The following FAT1 variants were observed in gnomAD, a reference collection of about 807,000 sequenced individuals.
FAT1 encodes FAT atypical cadherin 1, also known as protocadherin Fat 1.
FAT1 carries 171 observed loss-of-function variants against 329.8 expected under a neutral mutation model. That is an observed-to-expected ratio of 0.52 (90% confidence interval 0.46 to 0.59). The LOEUF (loss-of-function observed/expected upper bound fraction) is 0.59. Among genes scored for constraint, FAT1 ranks in the 20% least tolerant of loss-of-function variants. FAT1 has a pLI of 0.00. For missense variants in FAT1, 5,672 were observed against 5,774.4 expected, an observed-to-expected ratio of 0.98 and a Z score of 0.57; for synonymous variants, 2,233 against 2,228.6, an observed-to-expected ratio of 1.00 and a Z score of -0.06.
At chr4:186,602,218 GGA>G (rs1270044773) in intron 20 of FAT1, among the ~76,000 whole-genome samples, 1 of 152,126 alleles carries the variant, frequency 6.6e-6, no homozygotes, top group Non-Finnish European at 1.5e-5. Context: ...TCAAAAGAAT[GGA>G]GAGTGAAACC....
At chr4:186,699,691 TTTGAAAAAAAAAAAAAAA>T (rs1744207752) in intron 2 of FAT1, among the ~76,000 whole-genome samples, 1 of 93,466 alleles carries the variant, frequency 1.1e-5, no homozygotes, top group African/African-American at 6.3e-5. Context: ...TGGTCTGCTG[TTTGAAAAAAAAAAAAAAA>T]TGCCAGAAAG....
At chr4:186,664,325 A>C (rs1742330957) in intron 2 of FAT1, among the ~76,000 whole-genome samples, 1 of 152,200 alleles carries the variant, frequency 6.6e-6, no homozygotes, top group Non-Finnish European at 1.5e-5. Context: ...CCAGCATGCT[A>C]TAAAAATATA....
chr4:186,642,702 TTAG>T (rs1169152181), intron 3 of FAT1, among the ~76,000 whole-genome samples: 2 of 152,174 alleles, frequency 1.3e-5, no homozygotes, highest in Non-Finnish European at 2.9e-5. Context: ...CTGCGGGTAT[TTAG>T]AAGCACAGAC....
chr4:186,620,652 CT>C lies in FAT1; in HGVS notation c.5933del (p.Lys1978SerfsTer10). On this transcript the variant is annotated frameshift_variant, in exon 10 of 27. Coordinates refer to ENST00000441802, the MANE Select transcript of FAT1 (RefSeq NM_005245.4). LOFTEE classifies it high-confidence loss of function. Reference sequence around the variant, plus strand: ...CCGCAGAGTAGACATCCTGGGTAAACTTTAGGTGACTTTCTTTGCTTTCTTT... The same window carrying C: ...CCGCAGAGTAGACATCCTGGGTAAACTTAGGTGACTTTCTTTGCTTTCTTT... ...NVKESKESHLKFTQDVYSAVV... is the reference protein window; with the variant it reads ...NVKESKESHLXFTQDVYSAVV... 1 of 1,613,982 alleles carries C rather than the reference CT, an allele frequency of 6.2e-7. No homozygotes were observed. Among genetic ancestry groups the C allele is most frequent in the Non-Finnish European group, 8.5e-7 (1 of 1,179,886 alleles).
chr4:186,634,774 T>C (rs1476514809), intron 6 of FAT1, among the ~76,000 whole-genome samples: 1 of 152,228 alleles, frequency 6.6e-6, no homozygotes, highest in Non-Finnish European at 1.5e-5. Flanking sequence ...ATCTGAAAGA[T>C]GTAAAAAACT....
At position 186,707,496 on chromosome 4, in the gene FAT1, A is replaced by T. The variant is rs778144521; in HGVS notation, c.2332T>A (p.Ser778Thr). 6.2e-7 allele frequency: 1 copy of T among 1,614,020 alleles called. No individual in the cohort carries two copies. The highest frequency in any genetic ancestry group is 1.1e-5 in the South Asian group (1 of 91,076). ...DMETGMLKIL[S>T]PLDRETTDKY... ...TCTGTTGTTTCACGGTCAAGAGGAGATAAAATTTTCAGCATTCCTGTTTCC... is the reference window on the plus strand; with the variant it reads ...TCTGTTGTTTCACGGTCAAGAGGAGTTAAAATTTTCAGCATTCCTGTTTCC... Residue 778 changes from serine (S) to threonine (T), a missense_variant, in exon 2 of 27, where the codon TCT becomes ACT. Ser to Thr is a moderately conservative substitution (Grantham distance 58, BLOSUM62 1). Around this residue, in one of 2 missense-constraint regions of FAT1, gnomAD observed 3,966 missense variants for 3,915.2 expected, o/e 1.01. Transcript: ENST00000441802.
chr4:186,608,371 G>A (rs912481736), intron 16 of FAT1, among the ~76,000 whole-genome samples: 2 of 151,944 alleles, frequency 1.3e-5, no homozygotes, highest in East Asian at 3.9e-4. Context: ...CTGCGGGTCG[G>A]GGTTGTATTT....
intron 26 of FAT1, chr4:186,590,634 C>T: frequency 2.2e-6 from 1 of 456,678 alleles, no homozygotes; most frequent in South Asian, 1.5e-5. Flanking sequence ...GAATGAGGAA[C>T]CAGAAATTTG....
intron 22 of FAT1, among the ~76,000 whole-genome samples, 181 bp from the exon 23 acceptor site, chr4:186,598,306 C>T (rs1738637247): frequency 6.6e-6 from 1 of 152,144 alleles, no homozygotes; most frequent in South Asian, 2.1e-4. Context: ...AACCAAAACA[C>T]CCAGAATTGA....
intron 3 of FAT1, among the ~76,000 whole-genome samples, chr4:186,661,604 T>C (rs1342485813): frequency 1.3e-5 from 2 of 152,236 alleles, no homozygotes; most frequent in Non-Finnish European, 2.9e-5. Flanking sequence ...CGTGGGACCC[T>C]TGCAGACTTT....
chr4:186,599,907 G>A lies in FAT1; in HGVS notation c.12094C>T (p.Pro4032Ser). 1.2e-6 allele frequency: 2 copies of A among 1,610,070 alleles called. No individual in the cohort carries two copies. The highest frequency in any genetic ancestry group is 2.2e-5 in the East Asian group (1 of 44,808). Residue 4032 changes from proline (P) to serine (S), a missense_variant, in exon 22 of 27, where the codon CCT (proline) becomes TCT (serine). This residue lies in a region of FAT1 where 1,706 missense variants were observed against 1,859.1 expected (regional missense o/e 0.92). Coordinates refer to ENST00000441802, the MANE Select transcript of FAT1 (RefSeq NM_005245.4). ...CQNGGVCNPS[P>S]AGGYYCKCSA... ...ACATTACGGAGCCCACCTCCAGCAG[G>A]TGACGGATTGCAAACGCCTCCATTC...
chr4:186,609,399 A>T (rs986404197), intron 15 of FAT1, 79 bp from the exon 16 acceptor site: 54 of 1,486,088 alleles, frequency 3.6e-5, no homozygotes, highest in Non-Finnish European at 4.9e-5. Context: ...TGATATTAAT[A>T]GCTTAGCTGT....
rs1323366048 is a variant in FAT1 at position 186,597,755 on chromosome 4, T to A, written c.12295A>T (p.Lys4099Ter). ...CTGTCAAAGCATGTTCCGCCATTCT[T>A]ACAGGGTTCATCTTTGCAGTATGGA... is the stretch of plus-strand genomic sequence containing the variant. ...LSPYCKDEPC[K>*]NGGTCFDSLD... Residue 4099 changes from lysine to a stop codon, truncating the protein, a stop_gained, in exon 24 of 27, where the codon AAG (lysine) becomes TAG (stop). Coordinates refer to ENST00000441802, the MANE Select transcript of FAT1 (RefSeq NM_005245.4). LOFTEE classifies it high-confidence loss of function. 6.2e-7 allele frequency: 1 copy of A among 1,613,914 alleles called. No homozygotes were observed. Among genetic ancestry groups the A allele is most frequent in the Non-Finnish European group, 8.5e-7 (1 of 1,179,874 alleles).
chr4:186,691,620 C>T (rs1274803441), intron 2 of FAT1, among the ~76,000 whole-genome samples: 1 of 152,028 alleles, frequency 6.6e-6, no homozygotes, highest in East Asian at 1.9e-4. Context: ...GCCTGGGCAA[C>T]ATAGCAAGAC....
At chr4:186,702,950 G>A (rs1744398062) in intron 2 of FAT1, among the ~76,000 whole-genome samples, 2 of 152,188 alleles carry the variant, frequency 1.3e-5, no homozygotes, top group Non-Finnish European at 1.5e-5. Context: ...AATCCTCACT[G>A]TAGACCTTAC....
At chr4:186,630,981 C>T (rs947741708) in intron 7 of FAT1, among the ~76,000 whole-genome samples, 1 of 152,176 alleles carries the variant, frequency 6.6e-6, no homozygotes, top group African/African-American at 2.4e-5. Flanking sequence ...CATCCTAAGC[C>T]ACACACGCAG....
chr4:186,714,338 C>T (rs1258672636), intron 1 of FAT1, among the ~76,000 whole-genome samples: 4 of 151,978 alleles, frequency 2.6e-5, no homozygotes, highest in Non-Finnish European at 2.9e-5. Flanking sequence ...GACTGCTCAG[C>T]GTAGAGAACA....
At chr4:186,610,380 T>A (rs555578620) in intron 14 of FAT1, among the ~76,000 whole-genome samples, 1 of 152,066 alleles carries the variant, frequency 6.6e-6, no homozygotes, top group African/African-American at 2.4e-5. Flanking sequence ...TTCTATTGTG[T>A]CTTTCGGTTT....
At chr4:186,662,523 C>G (rs997941033) in intron 3 of FAT1, among the ~76,000 whole-genome samples, 5 of 152,114 alleles carry the variant, frequency 3.3e-5, no homozygotes, top group Non-Finnish European at 7.3e-5. Flanking sequence ...CACTTCCAAT[C>G]TGAAAACTGT....
Sources: gnomAD v4.1 joint callset for allele counts (sites outside exome capture counted in the v4.1 genomes callset) on GRCh38, gnomAD v4.1.1 for gene constraint, gnomAD v4.1.1 regional missense constraint, MANE v1.5 for transcripts, NCBI Gene and HGNC (gene_info 2026-07-23, HGNC 2026-07-21) for gene names.